The following USHBP1 variants were observed in gnomAD, a reference collection of about 807,000 sequenced individuals.
USHBP1 encodes USH1 protein network component harmonin binding protein 1.
USHBP1 carries 67 observed loss-of-function variants against 76.2 expected under a neutral mutation model. The observed-to-expected ratio is 0.88, with a 90% CI of 0.72 to 1.08. The LOEUF (loss-of-function observed/expected upper bound fraction) is 1.08. Among genes scored for constraint, USHBP1 ranks in the 50% least tolerant of loss-of-function variants. The probability of loss-of-function intolerance (pLI) is 0.00; values close to 1 mark genes in which losing one functional copy is unlikely to be tolerated. For synonymous variants in USHBP1, 322 were observed against 362.2 expected (o/e 0.89, Z 1.26); for missense variants, 931 against 915.0 (o/e 1.02, Z -0.23).
intron 10 of USHBP1, among the ~76,000 whole-genome samples, chr19:17,254,908 A>G (rs1234957665): frequency 6.6e-6 from 1 of 152,016 alleles, no homozygotes. Flanking sequence ...TTATGACACA[A>G]AGAGGGAAGT....
intron 10 of USHBP1, among the ~76,000 whole-genome samples, chr19:17,253,374 C>T (rs966751534): frequency 6.7e-6 from 1 of 149,546 alleles, no homozygotes; most frequent in Non-Finnish European, 1.5e-5. Flanking sequence ...CTGCAACCTC[C>T]ACCCCTCCAG....
Position 17,259,926 on chromosome 19 carries a change from C to T in USHBP1, c.739G>A (p.Glu247Lys), listed in dbSNP as rs536818126. The T allele has an allele frequency of 3.1e-6, 5 of 1,614,046 alleles. 1 individual carries two copies. In the African/African-American group the frequency reaches 5.3e-5, roughly 17 times the overall value. ...GGSGSGSSSSEADREPWETQD... is the reference protein window; with the variant it reads ...GGSGSGSSSSKADREPWETQD... The stretch of plus-strand genomic sequence containing the variant: ...GTCTCCCAGGGTTCCCTGTCTGCCT[C>T]AGAGCTGCTAGAACCACTGCCTGAG... The change falls in exon 5 of 13, where the codon GAG becomes AAG. Residue 247 changes from glutamate to lysine, a missense_variant. Physicochemically the swap from Glu to Lys is moderately conservative, Grantham distance 56 (BLOSUM62 1). Coordinates refer to ENST00000252597, the MANE Select transcript of USHBP1 (RefSeq NM_031941.4).
chr19:17,251,454 A>G (rs1424979116), intron 12 of USHBP1, 128 bp downstream of exon 12: 1 of 1,333,664 alleles, frequency 7.5e-7, no homozygotes, highest in Admixed American at 1.8e-5. Flanking sequence ...GTGAGCCACC[A>G]CACCTGACCG....
rs769142531 is a variant in USHBP1 at position 17,251,711 on chromosome 19, C to T, written c.1800-7G>A. On this transcript the variant is annotated splice_polypyrimidine_tract_variant and splice_region_variant and intron_variant, in intron 11 of 12. Coordinates refer to ENST00000252597, the MANE Select transcript of USHBP1 (RefSeq NM_031941.4). The stretch of plus-strand genomic sequence containing the variant: ...CTCCTGCAGGTCCAGTGTCCTGTTG[C>T]GAAGGAGAAGAGAGGGGGCTCACAG... 26 of 1,612,490 alleles carry T rather than the reference C, an allele frequency of 1.6e-5. No homozygotes were observed. The highest frequency in any genetic ancestry group is 2.7e-5 in the African/African-American group (2 of 74,904).
chr19:17,264,434 T>G, intron 1 of USHBP1, 87 bp from the exon 2 acceptor site: 2 of 1,047,848 alleles, frequency 1.9e-6, no homozygotes, highest in Non-Finnish European at 2.7e-6. Context: ...AATGGGGCAC[T>G]GACTACCCCT....
intron 7 of USHBP1, 62 bp downstream of exon 7, chr19:17,259,227 G>C: frequency 1.9e-6 from 3 of 1,540,044 alleles, no homozygotes; most frequent in Non-Finnish European, 2.6e-6. Context: ...TGTGGATTGG[G>C]GCCATCCTCA....
At position 17,258,388 on chromosome 19, in the gene USHBP1, G is replaced by T. The variant is rs1312685152; in HGVS notation, c.1047-3C>A. The T allele has an allele frequency of 1.9e-6, 3 of 1,612,422 alleles. No individual in the cohort carries two copies. Among genetic ancestry groups the T allele is most frequent in the South Asian group, 2.2e-5 (2 of 91,026 alleles). On this transcript the variant is annotated splice_region_variant and splice_polypyrimidine_tract_variant and intron_variant, in intron 7 of 12. Coordinates refer to ENST00000252597, the MANE Select transcript of USHBP1 (RefSeq NM_031941.4). ...TGTATGCCTCTTCACAGTGTTCACT[G>T]TGGGACACTGGTTCTGAGTGCTTCA...
intron 12 of USHBP1, 68 bp downstream of exon 12, chr19:17,251,514 A>C (rs1374221347): frequency 6.3e-7 from 1 of 1,596,498 alleles, no homozygotes; most frequent in African/African-American, 1.3e-5. Flanking sequence ...AGAGACAGCC[A>C]GGGATACTTC....
In USHBP1 at chr19:17,249,761, C is replaced by T; in HGVS notation, c.*464G>A. 6.1e-6 allele frequency: 1 copy of T among 164,406 alleles called. No homozygotes were observed. Among genetic ancestry groups the T allele is most frequent in the Non-Finnish European group, 1.3e-5 (1 of 76,114 alleles). 10.2% of individuals were successfully genotyped at this position (164,406 alleles called of 1,614,324 possible). A position where few individuals can be genotyped will look rare whatever the true frequency, so the allele number is the denominator to read the frequency against. ...TTGGCCTCCCAAAATGCTGGGATTA[C>T]AGATGTGCACCACTGAGCCCGGCCC... On this transcript the variant is annotated 3_prime_UTR_variant, in exon 13 of 13. Transcript: ENST00000252597.
rs150789916 is a variant in USHBP1 at position 17,253,630 on chromosome 19, C to T, written c.1693-1613G>A. Among the ~76,000 whole-genome samples, 383 of 148,958 alleles carry T rather than the reference C, an allele frequency of 2.6e-3. 16 individuals carry two copies. In the East Asian group the frequency reaches 0.069, roughly 27 times the overall value. ...AAATTAGGCTGGACGTGGTGGCTCA[C>T]GTCTGTAATCCCAGCACTTTGGGAG... On this transcript the variant is annotated intron_variant, in intron 10 of 12. Transcript: ENST00000252597.
At chr19:17,260,167 A>C in intron 4 of USHBP1, 145 bp from the exon 5 acceptor site, 1 of 1,126,268 alleles carries the variant, frequency 8.9e-7, no homozygotes, top group Non-Finnish European at 1.2e-6. Flanking sequence ...AAATCTCACT[A>C]TCTGACCTTG....
At chr19:17,251,169 G>GT (rs58204933) in intron 12 of USHBP1, among the ~76,000 whole-genome samples, 343 of 26,470 alleles carry the variant, frequency 0.013, no homozygotes, top group South Asian at 0.028. Context: ...CCAGCCTGTT[G>GT]TTTTTTTTTT....
At chr19:17,251,558 TG>T in intron 12 of USHBP1, 23 bp downstream of exon 12, 1 of 1,612,396 alleles carries the variant, frequency 6.2e-7, no homozygotes, top group Non-Finnish European at 8.5e-7. Flanking sequence ...CCAGGGGGAT[TG>T]GGGGGATGCA....
intron 11 of USHBP1, 43 bp downstream of exon 11, chr19:17,251,868 C>T: frequency 1.3e-6 from 2 of 1,517,378 alleles, no homozygotes; most frequent in Non-Finnish European, 1.8e-6. Flanking sequence ...CTCACATAGG[C>T]TGCCTGCCCA....
At chr19:17,264,191 A>T (rs754479313) in intron 2 of USHBP1, 41 bp from the exon 3 acceptor site, 1 of 1,612,760 alleles carries the variant, frequency 6.2e-7, no homozygotes, top group Non-Finnish European at 8.5e-7. Context: ...GCCAGGCAGG[A>T]CAGGACCTTG....
Position 17,256,634 on chromosome 19 carries a change from C to T in USHBP1, c.1307G>A (p.Arg436His), listed in dbSNP as rs138101103. 6.9e-5 allele frequency: 111 copies of T among 1,614,128 alleles called. No individual in the cohort carries two copies. The highest frequency in any genetic ancestry group is 1.6e-4 in the Middle Eastern group (1 of 6,062). Residue 436 changes from arginine to histidine, a missense_variant, in exon 9 of 13, where the codon CGT becomes CAT. Physicochemically the swap from Arg to His is conservative, Grantham distance 29 (BLOSUM62 0). Coordinates refer to ENST00000252597, the MANE Select transcript of USHBP1 (RefSeq NM_031941.4). ...RSYVQRLQER[R>H]SLMKILSEPG... is the part of the protein sequence containing the mutation. ...CTCTGAGAGAATCTTCATTAGAGAACGGCGCTCCTGGAGACGCTGGACATA... is the reference window on the plus strand; with the variant it reads ...CTCTGAGAGAATCTTCATTAGAGAATGGCGCTCCTGGAGACGCTGGACATA...
rs773233794 is a variant in USHBP1 at position 17,259,341 on chromosome 19, G to A, written c.994C>T (p.Leu332=). The A allele has an allele frequency of 4.3e-6, 7 of 1,614,168 alleles. No homozygotes were observed. Among genetic ancestry groups the A allele is most frequent in the Non-Finnish European group, 5.9e-6 (7 of 1,180,032 alleles). ...KGRCEGLSMQ[L]GQREAEATAL... ...GTGGCCTCAGCCTCCCGCTGGCCTA[G>A]CTGCATGCTGAGGCCTTCACAGCGG... The change falls in exon 7 of 13, where the codon CTA becomes TTA. Residue 332 remains leucine (L), a synonymous_variant. Coordinates refer to ENST00000252597, the MANE Select transcript of USHBP1 (RefSeq NM_031941.4).
rs759733749 is a variant in USHBP1, at chr19:17,251,919, C to T, written c.1791G>A (p.Ser597=). ...PEKLAQELAA[S]LTRTLDLQEQ... is the part of the protein sequence containing the mutation. ...AGGACCCAGGCACACACCTGGTGAG[C>T]GATGCTGCCAGTTCCTGGGCTAACT... is the stretch of plus-strand genomic sequence containing the variant. The change falls in exon 11 of 13, where the codon TCG becomes TCA. Residue 597 remains serine, a synonymous_variant. Transcript: ENST00000252597. 1.0e-5 allele frequency: 16 copies of T among 1,541,766 alleles called. No homozygotes were observed. Among genetic ancestry groups the T allele is most frequent in the East Asian group, 7.3e-5 (3 of 40,934 alleles).
rs2073552430 is a variant in USHBP1, at chr19:17,251,606, T to C, written c.1898A>G (p.Asn633Ser). 1 of 1,613,906 alleles carries C rather than the reference T, an allele frequency of 6.2e-7. No individual in the cohort carries two copies. Among genetic ancestry groups the C allele is most frequent in the Admixed American group, 1.7e-5 (1 of 59,978 alleles). Residue 633 changes from asparagine (N) to serine (S), a missense_variant, in exon 12 of 13, where the codon AAC (asparagine) becomes AGC (serine). Physicochemically the swap from Asn to Ser is conservative, Grantham distance 46 (BLOSUM62 1). Coordinates refer to ENST00000252597, the MANE Select transcript of USHBP1 (RefSeq NM_031941.4). The stretch of plus-strand genomic sequence containing the variant: ...CCTGTGGGCTTTGCATAAATCCCTG[T>C]TCAGCTCGGCACTCTGAGACCGTCT... ...RARRSQSAEL[N>S]RDLCKAHSAL...
Sources: allele counts gnomAD v4.1 joint callset (sites outside exome capture counted in the v4.1 genomes callset), GRCh38; gene constraint gnomAD v4.1.1; transcripts MANE v1.5; gene names NCBI Gene and HGNC (gene_info 2026-07-23, HGNC 2026-07-21).